CNTN5: variants seen among roughly 807,000 people sequenced by gnomAD.
CNTN5 encodes the protein contactin-5.
In CNTN5, 77 loss-of-function variants were observed where a neutral mutation model predicts 129.1. The observed-to-expected ratio is 0.60, with a 90% CI of 0.50 to 0.72. The LOEUF (loss-of-function observed/expected upper bound fraction) is 0.72. CNTN5 is among the 30% of genes least tolerant of loss of function. The pLI is 0.00. For synonymous variants in CNTN5, 509 were observed against 465.6 expected (o/e 1.09, Z -1.20); for missense variants, 1,478 against 1,328.8 (o/e 1.11, Z -1.75).
At chr11:100,076,133 A>G (rs1282412802) in intron 13 of CNTN5, among the ~76,000 whole-genome samples, 4 of 152,170 alleles carry the variant, frequency 2.6e-5, no homozygotes, top group Non-Finnish European at 4.4e-5. Context: ...AAACCTAATT[A>G]AAGTAGAAGA....
At chr11:99,530,746 C>A (rs1422378765) in intron 2 of CNTN5, among the ~76,000 whole-genome samples, 1 of 152,192 alleles carries the variant, frequency 6.6e-6, no homozygotes, top group Non-Finnish European at 1.5e-5. Flanking sequence ...CTCATGAGAT[C>A]TGATAGGTTT....
chr11:99,380,425 C>T (rs1263251112), intron 2 of CNTN5, among the ~76,000 whole-genome samples: 1 of 152,124 alleles, frequency 6.6e-6, no homozygotes, highest in East Asian at 1.9e-4. Flanking sequence ...GATCATTACA[C>T]TGTTTCTACT....
intron 15 of CNTN5, among the ~76,000 whole-genome samples, chr11:100,207,672 C>T (rs1271941281): frequency 6.6e-6 from 1 of 152,046 alleles, no homozygotes; most frequent in Non-Finnish European, 1.5e-5. Flanking sequence ...ACCTGTACTT[C>T]AATTGCCATT....
intron 1 of CNTN5, among the ~76,000 whole-genome samples, chr11:99,219,605 C>T (rs558348619): frequency 4.0e-5 from 6 of 150,986 alleles, no homozygotes; most frequent in Non-Finnish European, 5.9e-5. Flanking sequence ...GAGCCACATA[C>T]ATCTTTCAGC....
At chr11:99,383,499 C>G (rs1940730172) in intron 2 of CNTN5, among the ~76,000 whole-genome samples, 1 of 151,972 alleles carries the variant, frequency 6.6e-6, no homozygotes. Flanking sequence ...TCTATATGAA[C>G]AGTGATGCCA....
intron 1 of CNTN5, among the ~76,000 whole-genome samples, chr11:99,149,073 A>G (rs748013582): frequency 2.6e-5 from 4 of 152,172 alleles, no homozygotes; most frequent in Non-Finnish European, 5.9e-5. Flanking sequence ...CTCAATAATC[A>G]TTAGAGGTAT....
At chr11:99,673,884 G>A (rs971685185) in intron 3 of CNTN5, among the ~76,000 whole-genome samples, 10 of 152,070 alleles carry the variant, frequency 6.6e-5, no homozygotes, top group African/African-American at 2.4e-4. Flanking sequence ...CCCTGTCTTT[G>A]CTATTGTGAA....
intron 2 of CNTN5, among the ~76,000 whole-genome samples, chr11:99,373,060 T>C (rs1005898482): frequency 2.2e-5 from 3 of 138,604 alleles, no homozygotes; most frequent in African/African-American, 7.4e-5. Context: ...ACTACAAAAA[T>C]TAGCGGGGCA....
Position 99,513,436 on chromosome 11 carries a change from C to T in CNTN5, c.-70-42709C>T, listed in dbSNP as rs188842165. 2.2e-3 allele frequency among the ~76,000 whole-genome samples: 340 copies of T among 152,196 alleles called. 2 individuals are homozygous for T. Among genetic ancestry groups the T allele is most frequent in the Non-Finnish European group, 1.0e-3 (71 of 67,992 alleles). On this transcript the variant is annotated intron_variant, in intron 2 of 24. Coordinates refer to ENST00000524871, the MANE Select transcript of CNTN5 (RefSeq NM_014361.4). ...ACAGATTTTTGATGTAGACAAAGAG[C>T]CTTCTGTTGGAAGAAGATGCCGTCT... is the stretch of plus-strand genomic sequence containing the variant.
chr11:99,715,789 T>C (rs1565455439), intron 3 of CNTN5, among the ~76,000 whole-genome samples: 1 of 152,036 alleles, frequency 6.6e-6, no homozygotes, highest in Non-Finnish European at 1.5e-5. Context: ...GATCTCTTTA[T>C]TCTTCATATT....
intron 8 of CNTN5, among the ~76,000 whole-genome samples, chr11:99,976,839 T>C (rs1938006751): frequency 6.6e-6 from 1 of 152,246 alleles, no homozygotes; most frequent in South Asian, 2.1e-4. Flanking sequence ...AACATATAGC[T>C]CCTACTTAAG....
intron 2 of CNTN5, among the ~76,000 whole-genome samples, chr11:99,480,758 C>T (rs1945565630): frequency 6.6e-6 from 1 of 151,982 alleles, no homozygotes; most frequent in South Asian, 2.1e-4. Context: ...TAGTGTCTAT[C>T]CAACTCACAT....
At chr11:99,052,900 C>A (rs1409562800) in intron 1 of CNTN5, among the ~76,000 whole-genome samples, 1 of 151,806 alleles carries the variant, frequency 6.6e-6, no homozygotes, top group African/African-American at 2.4e-5. Context: ...ATTCTTATAT[C>A]TAATGATATC....
intron 3 of CNTN5, among the ~76,000 whole-genome samples, chr11:99,748,401 G>A (rs1408612231): frequency 1.4e-5 from 2 of 145,584 alleles, no homozygotes; most frequent in African/African-American, 2.6e-5. Flanking sequence ...TCAGTCTCCA[G>A]CAGAACAATC....
chr11:99,761,726 C>T (rs1162877518), intron 3 of CNTN5, among the ~76,000 whole-genome samples: 8 of 149,498 alleles, frequency 5.4e-5, no homozygotes, highest in Non-Finnish European at 1.0e-4. Context: ...AATAAACATA[C>T]GTGTGCATGT....
chr11:99,607,766 G>A (rs74797137), intron 3 of CNTN5, among the ~76,000 whole-genome samples: 18,558 of 126,664 alleles, frequency 0.15, 2,552 homozygotes, highest in Non-Finnish European at 0.21. Flanking sequence ...ATACTATGCA[G>A]CCATAAAAAG....
At position 99,845,082 on chromosome 11, in the gene CNTN5, C is replaced by T. The variant is rs528343916; in HGVS notation, c.402-5C>T. 4 of 1,612,312 alleles carry T rather than the reference C, an allele frequency of 2.5e-6. No homozygotes were observed. In the South Asian group the frequency reaches 4.4e-5, roughly 18 times the overall value. ...TACATATTTGTCTTCTGATTTTTTC[C>T]TAAGATGGCTTCGAAATGGAACAGA... On this transcript the variant is annotated splice_region_variant and splice_polypyrimidine_tract_variant and intron_variant, in intron 5 of 24. Coordinates refer to ENST00000524871, the MANE Select transcript of CNTN5 (RefSeq NM_014361.4).
chr11:99,749,221 C>A (rs1422481129), intron 3 of CNTN5, among the ~76,000 whole-genome samples: 1 of 151,886 alleles, frequency 6.6e-6, no homozygotes, highest in African/African-American at 2.4e-5. Flanking sequence ...ACTCTGGTCC[C>A]AAGCATTTTG....
chr11:99,354,006 A>C (rs2136088940), intron 2 of CNTN5, among the ~76,000 whole-genome samples: 1 of 152,314 alleles, frequency 6.6e-6, no homozygotes, highest in Non-Finnish European at 1.5e-5. Context: ...TCAATCCAGT[A>C]GATGGTCTAA....
Sources: gnomAD v4.1 joint callset for allele counts (sites outside exome capture counted in the v4.1 genomes callset) on GRCh38, gnomAD v4.1.1 for gene constraint, MANE v1.5 for transcripts, NCBI Gene and HGNC (gene_info 2026-07-23, HGNC 2026-07-21) for gene names.